ACTR3B: variants seen among roughly 807,000 people sequenced by gnomAD.
ACTR3B encodes actin-related protein 3B.
ACTR3B carries 8 observed loss-of-function variants against 59.0 expected under a neutral mutation model. The observed-to-expected ratio is 0.14, with a 90% CI of 0.08 to 0.24. ACTR3B has a LOEUF of 0.24. Among genes scored for constraint, ACTR3B ranks in the 10% least tolerant of loss-of-function variants. The pLI is 1.00. For missense variants in ACTR3B, 245 were observed against 552.3 expected, an observed-to-expected ratio of 0.44 and a Z score of 5.58; for synonymous variants, 148 against 197.9, an observed-to-expected ratio of 0.75 and a Z score of 2.12.
chr7:152,830,386 ACTCTT>A (rs1338793817), intron 9 of ACTR3B, among the ~76,000 whole-genome samples: 1 of 151,702 alleles, frequency 6.6e-6, no homozygotes, highest in Non-Finnish European at 1.5e-5. Context: ...GTTGTTAAAA[ACTCTT>A]CATGAAGTTT....
chr7:152,831,858 A>G (rs189228565), intron 9 of ACTR3B, among the ~76,000 whole-genome samples: 6 of 152,298 alleles, frequency 3.9e-5, no homozygotes, highest in African/African-American at 1.4e-4. Flanking sequence ...ACAGGGGCCA[A>G]CATTATCAAC....
intron 4 of ACTR3B, among the ~76,000 whole-genome samples, chr7:152,802,653 G>A (rs2098240248): frequency 6.6e-6 from 1 of 150,820 alleles, no homozygotes; most frequent in Non-Finnish European, 1.5e-5. Context: ...TGTACAGAAT[G>A]CTTGCTTTAT....
chr7:152,852,385 G>A (rs1039788473), intron 10 of ACTR3B, 134 bp downstream of exon 10: 24 of 1,159,160 alleles, frequency 2.1e-5, no homozygotes, highest in Non-Finnish European at 2.8e-5. Context: ...TTTCTGAGCT[G>A]CATTGTGACA....
intron 9 of ACTR3B, among the ~76,000 whole-genome samples, chr7:152,830,610 G>A (rs1012376600): frequency 6.6e-6 from 1 of 152,212 alleles, no homozygotes; most frequent in Non-Finnish European, 1.5e-5. Context: ...GTGCGGTGGT[G>A]TGATCACAGC....
intron 2 of ACTR3B, among the ~76,000 whole-genome samples, chr7:152,794,286 C>T (rs577050942): frequency 2.6e-5 from 4 of 152,244 alleles, no homozygotes; most frequent in South Asian, 2.1e-4. Flanking sequence ...GGCGTGATCT[C>T]GGCTCACTGC....
chr7:152,854,321 G>A lies in ACTR3B; in HGVS notation c.1162-137G>A. On this transcript the variant is annotated intron_variant, in intron 11 of 11. Transcript: ENST00000256001. This position sits in a 1 kb window ranked among gnomAD's most constrained non-coding sequence, Gnocchi z 4.9. ...ATTTAGTAGTTTAGTACATCAGAGA[G>A]GTAAAATCTTGCAGCAGCGGTCCTG... is the stretch of plus-strand genomic sequence containing the variant. 1 of 721,610 alleles carries A rather than the reference G, an allele frequency of 1.4e-6. No homozygotes were observed. 44.7% of individuals were successfully genotyped at this position (721,610 alleles called of 1,614,324 possible). A position where few individuals can be genotyped will look rare whatever the true frequency, so the allele number is the denominator to read the frequency against.
chr7:152,765,110 T>C (rs1005976381), intron 1 of ACTR3B, among the ~76,000 whole-genome samples: 2 of 30,764 alleles, frequency 6.5e-5, no homozygotes, highest in Admixed American at 9.8e-4. Flanking sequence ...ACCCTGGCCC[T>C]TTTTTTTTTT....
At chr7:152,823,629 G>C (rs1281443172) in intron 8 of ACTR3B, 114 bp downstream of exon 8, 12 of 1,293,680 alleles carry the variant, frequency 9.3e-6, no homozygotes, top group East Asian at 2.3e-5. Flanking sequence ...GCCGTCATTC[G>C]GTCTCTCTGC....
chr7:152,772,988 A>ATT (rs11409365), intron 1 of ACTR3B, among the ~76,000 whole-genome samples: 11 of 141,366 alleles, frequency 7.8e-5, no homozygotes, highest in East Asian at 4.0e-4. Context: ...ATACTGTTTC[A>ATT]TTTTTTTGAA....
chr7:152,763,650 C>T (rs1474776550), intron 1 of ACTR3B, among the ~76,000 whole-genome samples: 2 of 152,082 alleles, frequency 1.3e-5, no homozygotes, highest in Non-Finnish European at 2.9e-5. Flanking sequence ...GTCTTGAATC[C>T]TGATCTCAAG....
At chr7:152,853,971 C>A (rs1010816902) in intron 11 of ACTR3B, among the ~76,000 whole-genome samples, 2 of 151,986 alleles carry the variant, frequency 1.3e-5, no homozygotes, top group African/African-American at 2.4e-5. Flanking sequence ...TGATCCACCC[C>A]CCTGCCTTGG....
intron 4 of ACTR3B, among the ~76,000 whole-genome samples, chr7:152,802,246 G>A (rs528645856): frequency 6.6e-6 from 1 of 152,198 alleles, no homozygotes; most frequent in South Asian, 2.1e-4. Context: ...TTGGAGTGGG[G>A]ACCAGGAGAA....
intron 9 of ACTR3B, among the ~76,000 whole-genome samples, chr7:152,847,910 G>T (rs1013567101): frequency 1.3e-5 from 2 of 152,114 alleles, no homozygotes; most frequent in Non-Finnish European, 2.9e-5. Flanking sequence ...GTTTCTTCCC[G>T]CCGTGTCTTC....
intron 9 of ACTR3B, among the ~76,000 whole-genome samples, chr7:152,833,539 G>C (rs1326504799): frequency 6.6e-6 from 1 of 152,188 alleles, no homozygotes. Flanking sequence ...GTCTGTGAGC[G>C]GTTCTTTACC....
At chr7:152,826,477 T>C (rs1489398354) in intron 9 of ACTR3B, among the ~76,000 whole-genome samples, 1 of 152,160 alleles carries the variant, frequency 6.6e-6, no homozygotes, top group Non-Finnish European at 1.5e-5. Flanking sequence ...AAATTACAGT[T>C]CAGTTTTTGC....
At chr7:152,828,776 G>C (rs967395504) in intron 9 of ACTR3B, among the ~76,000 whole-genome samples, 1 of 151,786 alleles carries the variant, frequency 6.6e-6, no homozygotes, top group Non-Finnish European at 1.5e-5. Flanking sequence ...TCCTGACCTC[G>C]GCTACCTGTG....
intron 1 of ACTR3B, among the ~76,000 whole-genome samples, chr7:152,764,637 C>G (rs933701093): frequency 7.7e-6 from 1 of 130,696 alleles, no homozygotes; most frequent in African/African-American, 3.3e-5. Flanking sequence ...CAGCGAGACT[C>G]CATCTCAAAA....
At chr7:152,760,059 C>A (rs1044368896) in intron 1 of ACTR3B, 133 bp downstream of exon 1, 1 of 720,118 alleles carries the variant, frequency 1.4e-6, no homozygotes, top group Non-Finnish European at 1.9e-6. Flanking sequence ...GCAGGTGGGG[C>A]GCCGGCCGCC....
rs570395734 is a variant in ACTR3B at position 152,786,281 on chromosome 7, G to A, written c.100+3039G>A. Reference sequence around the variant, plus strand: ...GAAAATATAACAGTGGGCTGGGCGCGGTGGCTCACGCCTGTAATCCTAACA... The same window carrying A: ...GAAAATATAACAGTGGGCTGGGCGCAGTGGCTCACGCCTGTAATCCTAACA... On this transcript the variant is annotated intron_variant, in intron 2 of 11. Coordinates refer to ENST00000256001, the MANE Select transcript of ACTR3B (RefSeq NM_020445.6). 7.2e-3 allele frequency: 995 copies of A among 138,394 alleles called. 12 individuals are homozygous for A. Among genetic ancestry groups the A allele is most frequent in the East Asian group, 0.029 (127 of 4,438 alleles). 8.6% of individuals were successfully genotyped at this position (138,394 alleles called of 1,614,324 possible).
Sources: gnomAD v4.1 joint callset for allele counts (sites outside exome capture counted in the v4.1 genomes callset) on GRCh38, gnomAD v4.1.1 for gene constraint, Gnocchi (gnomAD v3.1) non-coding constraint, MANE v1.5 for transcripts, NCBI Gene and HGNC (gene_info 2026-07-23, HGNC 2026-07-21) for gene names.